The following ASB4 variants were observed in gnomAD, a reference collection of about 807,000 sequenced individuals.
The protein encoded by ASB4 is ankyrin repeat and SOCS box containing 4.
A neutral mutation model predicts 38.6 loss-of-function variants in ASB4; 35 were observed. That is an observed-to-expected ratio of 0.91 (90% CI 0.69 to 1.20). The LOEUF is 1.20. Among genes scored for constraint, ASB4 ranks in the 50% most tolerant of loss-of-function variants. The pLI, the probability that ASB4 is intolerant of heterozygous loss-of-function variation, is 0.00. For synonymous variants in ASB4, 195 were observed against 201.3 expected (o/e 0.97, Z 0.26); for missense variants, 557 against 527.2 (o/e 1.06, Z -0.55).
downstream of ASB4, chr7:95,543,490 G>C (rs1024333132): frequency 1.3e-5 from 2 of 152,312 alleles, no homozygotes; most frequent in Non-Finnish European, 2.9e-5. Context: ...CCTGGGCGGT[G>C]GTCGGGATGG....
intron 1 of ASB4, among the ~76,000 whole-genome samples, chr7:95,490,066 T>G (rs112699869): frequency 1.1e-3 from 169 of 152,348 alleles, no homozygotes; most frequent in African/African-American, 3.9e-3. Context: ...TTAATCAGGG[T>G]AATGCACTTT....
At chr7:95,478,475 G>A (rs949497320) in exon 1 of ASB4, 1 of 152,130 alleles carries the variant, frequency 6.6e-6, no homozygotes, top group Non-Finnish European at 1.5e-5. Flanking sequence ...AATTCAGGTG[G>A]GCCAGTGCTT....
upstream of ASB4, among the ~76,000 whole-genome samples, chr7:95,481,739 C>T (rs979400192): frequency 2.6e-5 from 4 of 152,290 alleles, no homozygotes; most frequent in African/African-American, 9.6e-5. Context: ...CTGTCTCAGC[C>T]ATGGGTCCCC....
At chr7:95,530,589 G>A (rs1790807640) in intron 3 of ASB4, among the ~76,000 whole-genome samples, 1 of 152,174 alleles carries the variant, frequency 6.6e-6, no homozygotes, top group East Asian at 1.9e-4. Flanking sequence ...GGCTAAGCAT[G>A]TTTGAGGGAG....
In ASB4 at chr7:95,486,014, AAGTT is replaced by A. The variant is rs1790084195; in HGVS notation, c.49_52del (p.Val17ArgfsTer8). On this transcript the variant is annotated frameshift_variant, in exon 1 of 5. Transcript: ENST00000325885. LOFTEE classifies it high-confidence loss of function. ...CCCTGTCACTAAATCTGGAGCTGCC[AAGTT>A]AGTTAAGAGAAATTTCCTTGAGGCG... is the stretch of plus-strand genomic sequence containing the variant. 1.2e-6 allele frequency: 2 copies of A among 1,614,098 alleles called. No individual in the cohort carries two copies. The highest frequency in any genetic ancestry group is 2.7e-5 in the African/African-American group (2 of 75,050).
intron 2 of ASB4, among the ~76,000 whole-genome samples, chr7:95,518,264 T>G (rs1236010940): frequency 6.6e-6 from 1 of 152,216 alleles, no homozygotes; most frequent in South Asian, 2.1e-4. Flanking sequence ...GCTAATGACA[T>G]ATGAACAAAA....
intron 1 of ASB4, among the ~76,000 whole-genome samples, chr7:95,480,041 G>C (rs1285988668): frequency 6.6e-6 from 1 of 152,138 alleles, no homozygotes; most frequent in Admixed American, 6.5e-5. Context: ...CCATTTATTT[G>C]AATTTGCAGT....
upstream of ASB4, among the ~76,000 whole-genome samples, chr7:95,485,618 A>T (rs43068): frequency 0.24 from 36,525 of 152,096 alleles, 4,380 homozygotes; most frequent in Middle Eastern, 0.34. Context: ...GTTTTTATTG[A>T]GGGGAAAAAA....
At chr7:95,504,715 A>G (rs1215467655) in intron 2 of ASB4, among the ~76,000 whole-genome samples, 3 of 152,238 alleles carry the variant, frequency 2.0e-5, no homozygotes, top group Non-Finnish European at 4.4e-5. Flanking sequence ...TGAGGGTAAC[A>G]GTAACAGCAA....
chr7:95,495,868 A>C lies in ASB4; in HGVS notation c.298A>C (p.Thr100Pro). ...CLLVLLDHNA[T>P]INCRPNGKTP... ...TCTGGTGCTACTGGACCACAATGCT[A>C]CAATCAACTGTAGACCCAATGGGAA... Residue 100 changes from threonine to proline, a missense_variant, in exon 2 of 5, where the codon ACA becomes CCA. Coordinates refer to ENST00000325885, the MANE Select transcript of ASB4 (RefSeq NM_016116.3). 6.2e-7 allele frequency: 1 copy of C among 1,613,860 alleles called. No individual in the cohort carries two copies. The highest frequency in any genetic ancestry group is 8.5e-7 in the Non-Finnish European group (1 of 1,179,996).
the ASB4 span, among the ~76,000 whole-genome samples, chr7:95,471,045 C>A: frequency 4.2e-4 from 64 of 152,216 alleles, no homozygotes; most frequent in African/African-American, 1.5e-3. Flanking sequence ...TTAGTTGATG[C>A]CATATTGATT....
chr7:95,496,898 C>T lies in ASB4; in HGVS notation c.487+841C>T, dbSNP rs189437084. On this transcript the variant is annotated intron_variant, in intron 2 of 4. Coordinates refer to ENST00000325885, the MANE Select transcript of ASB4 (RefSeq NM_016116.3). Reference sequence around the variant, plus strand: ...AAACAAAAAACAAATGGGAAGGAGACAGCCATTAAAAAAGAACGCCGAGAG... The same window carrying T: ...AAACAAAAAACAAATGGGAAGGAGATAGCCATTAAAAAAGAACGCCGAGAG... 3.3e-4 allele frequency among the ~76,000 whole-genome samples: 50 copies of T among 151,776 alleles called. 1 individual carries two copies. Among genetic ancestry groups the T allele is most frequent in the Admixed American group, 3.2e-3 (49 of 15,246 alleles).
At chr7:95,480,412 T>C (rs1790012799) in intron 1 of ASB4, among the ~76,000 whole-genome samples, 1 of 152,184 alleles carries the variant, frequency 6.6e-6, no homozygotes. Flanking sequence ...TTCACACCTT[T>C]AACAAAATCC....
chr7:95,521,164 C>T (rs1394329287), intron 2 of ASB4, among the ~76,000 whole-genome samples: 1 of 152,020 alleles, frequency 6.6e-6, no homozygotes, highest in Non-Finnish European at 1.5e-5. Flanking sequence ...TCATTTCCTT[C>T]ATAGTAGATC....
At chr7:95,476,598 G>A (rs1789979701), upstream of ASB4, among the ~76,000 whole-genome samples, 1 of 152,106 alleles carries the variant, frequency 6.6e-6, no homozygotes, top group South Asian at 2.1e-4. Flanking sequence ...TCTTGCCTGG[G>A]GCCTTGACTG....
At chr7:95,520,900 C>A (rs1200342291) in intron 2 of ASB4, among the ~76,000 whole-genome samples, 1 of 152,114 alleles carries the variant, frequency 6.6e-6, no homozygotes, top group Non-Finnish European at 1.5e-5. Flanking sequence ...CCCTTATTCA[C>A]TGTCTTTTCT....
At chr7:95,485,333 T>A (rs1291128129), upstream of ASB4, among the ~76,000 whole-genome samples, 1 of 152,188 alleles carries the variant, frequency 6.6e-6, no homozygotes, top group African/African-American at 2.4e-5. Flanking sequence ...GTTTTATCTC[T>A]TCAGTTTCTT....
At position 95,513,897 on chromosome 7, in the gene ASB4, C is replaced by T. The variant is rs537027038; in HGVS notation, c.488-13916C>T. Among the ~76,000 whole-genome samples the T allele has an allele frequency of 1.5e-4, 23 of 152,298 alleles. 1 individual carries two copies. The South Asian group carries it at 4.8e-3, about 32-fold the overall frequency. ...GGAATTGGTCATCTGTCTGTCAATT[C>T]TGGTCCATTTCTCTAATTCTGCCAT... On this transcript the variant is annotated intron_variant, in intron 2 of 4. Coordinates refer to ENST00000325885, the MANE Select transcript of ASB4 (RefSeq NM_016116.3).
At chr7:95,476,924 T>G (rs573805027), upstream of ASB4, among the ~76,000 whole-genome samples, 15 of 152,374 alleles carry the variant, frequency 9.8e-5, no homozygotes, top group South Asian at 1.0e-3. Context: ...ATTTATGTAT[T>G]TGTTAGATAC....
Sources: gnomAD v4.1 joint callset for allele counts (sites outside exome capture counted in the v4.1 genomes callset) on GRCh38, gnomAD v4.1.1 for gene constraint, MANE v1.5 for transcripts, NCBI Gene and HGNC (gene_info 2026-07-23, HGNC 2026-07-21) for gene names.